Variants in SLC24A2 observed in about 807,000 individuals in gnomAD.
SLC24A2 encodes sodium/potassium/calcium exchanger 2.
Under a neutral mutation model 62.0 loss-of-function variants are expected in SLC24A2, and 36 were observed. The ratio of observed to expected loss-of-function variants is 0.58; its 90% CI spans 0.44 to 0.77. The LOEUF (loss-of-function observed/expected upper bound fraction) is 0.77, where lower values mean the gene tolerates loss of function less well. Among genes scored for constraint, SLC24A2 ranks in the 30% least tolerant of loss-of-function variants. The pLI, the probability that SLC24A2 is intolerant of heterozygous loss-of-function variation, is 0.00. For missense variants in SLC24A2, 846 were observed against 817.9 expected (o/e 1.03, Z -0.42); for synonymous variants, 358 against 294.0 (o/e 1.22, Z -2.23).
intron 2 of SLC24A2, among the ~76,000 whole-genome samples, chr9:19,730,189 A>G (rs796829840): frequency 7.0e-4 from 106 of 152,288 alleles, no homozygotes; most frequent in African/African-American, 2.5e-3. Flanking sequence ...AACCATGACA[A>G]TATTTCATTG....
At chr9:19,669,264 T>C (rs896477188) in intron 2 of SLC24A2, among the ~76,000 whole-genome samples, 2 of 152,100 alleles carry the variant, frequency 1.3e-5, no homozygotes, top group Admixed American at 6.6e-5. Flanking sequence ...AGCTCCCTTG[T>C]GGTGCAGGAG....
chr9:20,254,889 T>G, the SLC24A2 span, among the ~76,000 whole-genome samples: 1 of 152,314 alleles, frequency 6.6e-6, no homozygotes, highest in African/African-American at 2.4e-5. Flanking sequence ...AGATACATCT[T>G]ACATGGCAGC....
the SLC24A2 span, among the ~76,000 whole-genome samples, chr9:19,863,604 T>C: frequency 6.6e-6 from 1 of 151,562 alleles, no homozygotes; most frequent in Non-Finnish European, 1.5e-5. Flanking sequence ...AATATTCTTC[T>C]GAATGACCAG....
upstream of SLC24A2, among the ~76,000 whole-genome samples, chr9:19,792,758 G>T (rs1415843531): frequency 2.6e-5 from 4 of 151,666 alleles, no homozygotes; most frequent in Non-Finnish European, 5.9e-5. Context: ...GCAACCCAGG[G>T]ACAAAATAAA....
rs1330546685 is a variant in SLC24A2, at chr9:19,636,305, TTTTCTTTTCTTTTCTTTCTTTCTTTC to T, written c.931-14032_931-14007del. On this transcript the variant is annotated intron_variant, in intron 2 of 10. Transcript: ENST00000341998. Reference sequence around the variant, plus strand: ...TCTTCTCTTCTTTTCTTTTCTTTTCTTTTCTTTTCTTTTCTTTCTTTCTTTCTTTCTTTCTTTCTTTCTTTCTTTCT... The same window carrying T: ...TCTTCTCTTCTTTTCTTTTCTTTTCTTTTCTTTCTTTCTTTCTTTCTTTCT... Among the ~76,000 whole-genome samples, 228 of 44,848 alleles carry T rather than the reference TTTTCTTTTCTTTTCTTTCTTTCTTTC, an allele frequency of 5.1e-3. 23 individuals carry two copies. The highest frequency in any genetic ancestry group is 0.018 in the African/African-American group (214 of 11,694). The allele number at this position is 44,848 out of a possible 152,430, so 29.4% of individuals were successfully genotyped here.
At chr9:19,749,838 A>T (rs1230121134) in intron 2 of SLC24A2, among the ~76,000 whole-genome samples, 1 of 152,220 alleles carries the variant, frequency 6.6e-6, no homozygotes, top group Non-Finnish European at 1.5e-5. Flanking sequence ...TATGCTCACA[A>T]CTGGGACTTG....
At chr9:19,757,350 C>G (rs956857227) in intron 2 of SLC24A2, among the ~76,000 whole-genome samples, 1 of 152,128 alleles carries the variant, frequency 6.6e-6, no homozygotes. Flanking sequence ...TTGTCAGTAG[C>G]TGAAAAATTT....
At chr9:20,292,028 T>G in the SLC24A2 span, among the ~76,000 whole-genome samples, 2 of 152,186 alleles carry the variant, frequency 1.3e-5, no homozygotes, top group African/African-American at 4.8e-5. Flanking sequence ...AATCATTGAA[T>G]TGTCAGAATT....
chr9:19,813,954 T>C, the SLC24A2 span, among the ~76,000 whole-genome samples: 7 of 152,166 alleles, frequency 4.6e-5, no homozygotes, highest in Non-Finnish European at 7.3e-5. Context: ...ATTTCTATTG[T>C]TTATTAGCTA....
At chr9:20,102,725 G>A in the SLC24A2 span, among the ~76,000 whole-genome samples, 1 of 152,002 alleles carries the variant, frequency 6.6e-6, no homozygotes, top group African/African-American at 2.4e-5. Flanking sequence ...AGCCAAGATG[G>A]CCGAATAGGA....
the SLC24A2 span, among the ~76,000 whole-genome samples, chr9:20,102,236 A>C: frequency 6.6e-6 from 1 of 152,128 alleles, no homozygotes; most frequent in Non-Finnish European, 1.5e-5. Context: ...GAGAGACTAG[A>C]TTTTCTACTA....
At chr9:19,648,956 C>A (rs1169527006) in intron 2 of SLC24A2, among the ~76,000 whole-genome samples, 4 of 106,942 alleles carry the variant, frequency 3.7e-5, no homozygotes, top group Admixed American at 1.3e-4. Flanking sequence ...ATATTTATTC[C>A]AAAATGAGAG....
the SLC24A2 span, among the ~76,000 whole-genome samples, chr9:20,230,608 A>T: frequency 4.6e-5 from 7 of 151,236 alleles, no homozygotes; most frequent in Admixed American, 2.0e-4. Flanking sequence ...AATTTGTTTG[A>T]GTTCATTGTA....
the SLC24A2 span, among the ~76,000 whole-genome samples, chr9:19,985,507 A>C: frequency 2.6e-5 from 4 of 152,210 alleles, no homozygotes; most frequent in Non-Finnish European, 4.4e-5. Context: ...TATTTCATTT[A>C]TATGAAATTC....
At chr9:19,707,523 A>G (rs199740821) in intron 2 of SLC24A2, among the ~76,000 whole-genome samples, 8 of 152,314 alleles carry the variant, frequency 5.3e-5, no homozygotes, top group African/African-American at 9.6e-5. Context: ...CTGGCAAACC[A>G]AATCCAGCAG....
At chr9:20,283,307 A>G in the SLC24A2 span, among the ~76,000 whole-genome samples, 1 of 152,208 alleles carries the variant, frequency 6.6e-6, no homozygotes, top group East Asian at 1.9e-4. Context: ...TGCATAGGAA[A>G]CAGGTCGATT....
At chr9:19,914,009 A>T in the SLC24A2 span, among the ~76,000 whole-genome samples, 1 of 152,060 alleles carries the variant, frequency 6.6e-6, no homozygotes, top group Non-Finnish European at 1.5e-5. Flanking sequence ...GGTATGCCCA[A>T]TCTTGATTAA....
chr9:19,803,142 G>C, the SLC24A2 span, among the ~76,000 whole-genome samples: 286 of 152,256 alleles, frequency 1.9e-3, 1 homozygote, highest in African/African-American at 6.1e-3. Context: ...TGTTATAGCA[G>C]CTTGAATGGA....
chr9:20,174,362 A>C, the SLC24A2 span, among the ~76,000 whole-genome samples: 1 of 152,100 alleles, frequency 6.6e-6, no homozygotes, highest in Non-Finnish European at 1.5e-5. Flanking sequence ...CTGGGACTTA[A>C]TTAAACTAAA....
Sources: gnomAD v4.1 joint callset for allele counts (sites outside exome capture counted in the v4.1 genomes callset) on GRCh38, gnomAD v4.1.1 for gene constraint, MANE v1.5 for transcripts, NCBI Gene and HGNC (gene_info 2026-07-23, HGNC 2026-07-21) for gene names.